Variants in FHOD3 observed in about 807,000 individuals in gnomAD.
FHOD3 encodes FH1/FH2 domain-containing protein 3.
A neutral mutation model predicts 173.0 loss-of-function variants in FHOD3; 90 were observed. That is an observed-to-expected ratio of 0.52 (90% confidence interval 0.44 to 0.62). The LOEUF (loss-of-function observed/expected upper bound fraction) is 0.62. Ranked by LOEUF, FHOD3 falls within the 20% of genes least tolerant of loss-of-function variation. The pLI is 0.00. For missense variants in FHOD3, 1,945 were observed against 2,034.7 expected (o/e 0.96, Z 0.85); for synonymous variants, 828 against 823.0 (o/e 1.01, Z -0.10).
At chr18:36,299,571 C>T (rs1053135091) in intron 1 of FHOD3, among the ~76,000 whole-genome samples, 1 of 152,108 alleles carries the variant, frequency 6.6e-6, no homozygotes, top group Non-Finnish European at 1.5e-5. Context: ...ATGGGTTGAC[C>T]TTTCAAGCTG....
At chr18:36,505,100 G>T (rs1321247061) in intron 4 of FHOD3, among the ~76,000 whole-genome samples, 2 of 152,204 alleles carry the variant, frequency 1.3e-5, no homozygotes, top group South Asian at 2.1e-4. Context: ...CCAATGGGAG[G>T]TTCCCCACAA....
chr18:36,635,835 G>A (rs2034844303), intron 10 of FHOD3, among the ~76,000 whole-genome samples: 1 of 152,134 alleles, frequency 6.6e-6, no homozygotes, highest in Admixed American at 6.5e-5. Flanking sequence ...AACTGGCTGG[G>A]GAAAACCAGC....
intron 20 of FHOD3, 44 bp downstream of exon 20, chr18:36,730,848 C>T: frequency 6.3e-7 from 1 of 1,583,980 alleles, no homozygotes; most frequent in South Asian, 1.1e-5. Flanking sequence ...TTATCTTATA[C>T]TGCATGTATA....
chr18:36,599,018 T>C (rs1250755150), intron 7 of FHOD3, among the ~76,000 whole-genome samples: 4 of 152,224 alleles, frequency 2.6e-5, no homozygotes, highest in Non-Finnish European at 4.4e-5. Flanking sequence ...TTTCTCTTTC[T>C]GGTGGCCAGG....
chr18:36,375,974 A>G (rs186098623), intron 3 of FHOD3, among the ~76,000 whole-genome samples: 6 of 152,354 alleles, frequency 3.9e-5, no homozygotes, highest in Non-Finnish European at 8.8e-5. Context: ...GAAAATTTTG[A>G]TGGTCATATC....
intron 3 of FHOD3, among the ~76,000 whole-genome samples, chr18:36,383,406 T>C (rs1598913452): frequency 6.6e-6 from 1 of 152,074 alleles, no homozygotes; most frequent in South Asian, 2.1e-4. Flanking sequence ...ATGAGAAAGG[T>C]GCTTAACAGA....
At chr18:36,544,778 C>G (rs1465548363) in intron 5 of FHOD3, 1 of 152,308 alleles carries the variant, frequency 6.6e-6, no homozygotes, top group Non-Finnish European at 1.5e-5. Flanking sequence ...CTCCTCCTCT[C>G]TTAACATCTT....
At chr18:36,437,060 T>C (rs1226539603) in intron 3 of FHOD3, among the ~76,000 whole-genome samples, 4 of 152,224 alleles carry the variant, frequency 2.6e-5, no homozygotes, top group African/African-American at 9.6e-5. Context: ...TTAAAAACTT[T>C]GAATATTGGT....
chr18:36,375,767 A>G (rs769071124), intron 3 of FHOD3, among the ~76,000 whole-genome samples: 5 of 152,208 alleles, frequency 3.3e-5, no homozygotes, highest in Middle Eastern at 3.2e-3. Context: ...CTTTTCTGGT[A>G]GTGTAGTGGC....
chr18:36,458,214 C>T (rs1247337812), intron 3 of FHOD3, among the ~76,000 whole-genome samples: 1 of 152,050 alleles, frequency 6.6e-6, no homozygotes, highest in African/African-American at 2.4e-5. Flanking sequence ...ACCGGAATGA[C>T]TCTGGTTGGT....
chr18:36,600,748 A>G (rs1331522548), intron 7 of FHOD3, among the ~76,000 whole-genome samples: 1 of 152,156 alleles, frequency 6.6e-6, no homozygotes, highest in Non-Finnish European at 1.5e-5. Flanking sequence ...GCTGCCTGCC[A>G]TTGTTCCTTG....
intron 5 of FHOD3, among the ~76,000 whole-genome samples, chr18:36,532,304 C>T (rs2056817726): frequency 1.3e-5 from 2 of 152,186 alleles, no homozygotes; most frequent in Admixed American, 1.3e-4. Flanking sequence ...TAGTCTTGGT[C>T]TGTGTGTTTA....
intron 18 of FHOD3, among the ~76,000 whole-genome samples, chr18:36,713,451 A>G (rs1468472462): frequency 6.6e-6 from 1 of 152,232 alleles, no homozygotes; most frequent in Admixed American, 6.5e-5. Flanking sequence ...CACTACAAAA[A>G]CCAGAAGAAA....
At chr18:36,468,299 A>G (rs1483640981) in intron 3 of FHOD3, among the ~76,000 whole-genome samples, 1 of 152,158 alleles carries the variant, frequency 6.6e-6, no homozygotes, top group Non-Finnish European at 1.5e-5. Flanking sequence ...TGCCTGGAGG[A>G]CAAGGCTGTT....
intron 9 of FHOD3, among the ~76,000 whole-genome samples, chr18:36,620,479 G>A (rs1240934015): frequency 6.6e-6 from 1 of 152,132 alleles, no homozygotes; most frequent in East Asian, 1.9e-4. Context: ...GCTGCCTTGT[G>A]TCCACACCTC....
At chr18:36,608,945 G>C (rs952523041) in intron 8 of FHOD3, among the ~76,000 whole-genome samples, 10 of 152,234 alleles carry the variant, frequency 6.6e-5, no homozygotes, top group Non-Finnish European at 1.2e-4. Flanking sequence ...GGCTTCCACA[G>C]ATAGAGCTGC....
At chr18:36,709,940 G>A (rs1339823077) in intron 18 of FHOD3, 1 of 153,694 alleles carries the variant, frequency 6.5e-6, no homozygotes, top group Admixed American at 6.4e-5. Context: ...TCAATTTGAT[G>A]TACTGGAATA....
chr18:36,583,781 CTATTATCTGAGGTTTTATTGTTTAATTAT>C (rs1430777738), intron 6 of FHOD3, among the ~76,000 whole-genome samples: 1 of 151,994 alleles, frequency 6.6e-6, no homozygotes, highest in Non-Finnish European at 1.5e-5. Context: ...TTTGCTAAAA[CTATTATCTGAGGTTTTATTGTTTAATTAT>C]TATTATTATT....
At chr18:36,453,653 A>G (rs939383510) in intron 3 of FHOD3, among the ~76,000 whole-genome samples, 22 of 152,234 alleles carry the variant, frequency 1.4e-4, no homozygotes, top group African/African-American at 5.3e-4. Flanking sequence ...GGCATGATGA[A>G]GGGGCTCAGG....
Sources: allele counts gnomAD v4.1 joint callset (sites outside exome capture counted in the v4.1 genomes callset), GRCh38; gene constraint gnomAD v4.1.1; transcripts MANE v1.5; gene names NCBI Gene and HGNC (gene_info 2026-07-23, HGNC 2026-07-21).